Variants in ZNF16 observed in about 807,000 individuals in gnomAD.
ZNF16 encodes zinc finger protein KOX9.
In ZNF16, 7 loss-of-function variants were observed where a neutral mutation model predicts 9.0. That is an observed-to-expected ratio of 0.78 (90% CI 0.44 to 1.47). The LOEUF (loss-of-function observed/expected upper bound fraction) is 1.47. Ranked by LOEUF, ZNF16 falls within the 40% of genes most tolerant of loss-of-function variation. The probability of loss-of-function intolerance (pLI) is 0.01; values close to 1 mark genes in which losing one functional copy is unlikely to be tolerated. For missense variants in ZNF16, 830 were observed against 854.2 expected, an observed-to-expected ratio of 0.97 and a Z score of 0.35; for synonymous variants, 312 against 301.5, an observed-to-expected ratio of 1.03 and a Z score of -0.36.
At position 144,946,091 on chromosome 8, in the gene ZNF16, T is replaced by C. The variant is rs747877526; in HGVS notation, c.116A>G (p.His39Arg). 1.2e-6 allele frequency: 2 copies of C among 1,612,700 alleles called. No individual in the cohort carries two copies. The highest frequency in any genetic ancestry group is 1.7e-6 in the Non-Finnish European group (2 of 1,179,102). The change falls in exon 2 of 3, where the codon CAC becomes CGC. Residue 39 changes from histidine to arginine, a missense_variant. Coordinates refer to ENST00000394909, the MANE Select transcript of ZNF16 (RefSeq NM_006958.3). Reference sequence around the variant, plus strand: ...GGTACCACAGGCTGCAGATCCAGGGTGGGTCACAGCAGGAGCATCTCTCAC... The same window carrying C: ...GGTACCACAGGCTGCAGATCCAGGGCGGGTCACAGCAGGAGCATCTCTCAC... ...ARVRDAPAVT[H>R]PGSAACGTPC...
intron 1 of ZNF16, among the ~76,000 whole-genome samples, chr8:144,948,880 A>G (rs7827189): frequency 0.13 from 19,535 of 152,222 alleles, 3,832 homozygotes; most frequent in African/African-American, 0.42. Context: ...CATACCAAAA[A>G]GGACTTTGCA....
chr8:144,943,551 A>T (rs1833853356), intron 2 of ZNF16, among the ~76,000 whole-genome samples: 1 of 150,318 alleles, frequency 6.7e-6, no homozygotes, highest in Non-Finnish European at 1.5e-5. Context: ...ACAGAGTCTC[A>T]CTCCATTACC....
At chr8:144,940,817 AC>A (rs1300916290) in intron 2 of ZNF16, among the ~76,000 whole-genome samples, 5 of 152,230 alleles carry the variant, frequency 3.3e-5, no homozygotes, top group Non-Finnish European at 7.3e-5. Context: ...CAGTGGATTC[AC>A]TGCCTGATGA....
intron 2 of ZNF16, among the ~76,000 whole-genome samples, chr8:144,934,735 A>C (rs956471208): frequency 1.3e-5 from 2 of 152,146 alleles, no homozygotes; most frequent in East Asian, 1.9e-4. Context: ...AGGATGAAGA[A>C]GGCTCTGGCA....
At chr8:144,946,426 G>A (rs531904520) in intron 1 of ZNF16, among the ~76,000 whole-genome samples, 2 of 151,752 alleles carry the variant, frequency 1.3e-5, no homozygotes, top group African/African-American at 4.9e-5. Context: ...CAAAAGCCAG[G>A]GCCACAGTAC....
At chr8:144,947,215 T>C (rs1377168824) in intron 1 of ZNF16, among the ~76,000 whole-genome samples, 1 of 141,224 alleles carries the variant, frequency 7.1e-6, no homozygotes, top group South Asian at 2.2e-4. Context: ...GTTGGGCTTG[T>C]GTCCTGCTGT....
Position 144,932,615 on chromosome 8 carries a change from T to C in ZNF16, c.197-25A>G, listed in dbSNP as rs1833585167. 2 of 1,595,974 alleles carry C rather than the reference T, an allele frequency of 1.3e-6. No homozygotes were observed. Among genetic ancestry groups the C allele is most frequent in the South Asian group, 2.3e-5 (2 of 87,308 alleles). ...TCTGAAACAATAAATAGAATATCAC[T>C]TGGAAGGCAGTGCTGCAGCAGGAGC... On this transcript the variant is annotated intron_variant, in intron 2 of 2. Coordinates refer to ENST00000394909, the MANE Select transcript of ZNF16 (RefSeq NM_006958.3). This position sits in a 1 kb window ranked among gnomAD's most constrained non-coding sequence, Gnocchi z 5.0.
intron 1 of ZNF16, among the ~76,000 whole-genome samples, chr8:144,949,432 C>T (rs76271743): frequency 0.014 from 2,134 of 152,336 alleles, 47 homozygotes; most frequent in African/African-American, 0.045. Flanking sequence ...ACCACCCCAT[C>T]GCACTGCTGC....
rs1563925652 is a variant in ZNF16, at chr8:144,946,591, GTCTGTAT to G, written c.-9-383_-9-377del. Among the ~76,000 whole-genome samples the G allele has an allele frequency of 4.4e-4, 59 of 134,810 alleles. 1 individual carries two copies. Among genetic ancestry groups the G allele is most frequent in the African/African-American group, 1.3e-3 (47 of 35,378 alleles). 88.4% of individuals were successfully genotyped at this position (134,810 alleles called of 152,430 possible). The stretch of plus-strand genomic sequence containing the variant: ...GCTGTGGGCCTGTGTCCTGCTGTGG[GTCTGTAT>G]CCTGCTGTTGGGCTTGTGTCCTGCT... On this transcript the variant is annotated intron_variant, in intron 1 of 2. Transcript: ENST00000394909.
intron 2 of ZNF16, among the ~76,000 whole-genome samples, chr8:144,936,808 C>T (rs964357782): frequency 1.3e-5 from 2 of 151,828 alleles, no homozygotes; most frequent in African/African-American, 4.8e-5. Context: ...CTCAATGCAA[C>T]CTCCGCCTCC....
At chr8:144,935,203 GA>G (rs1833653594) in intron 2 of ZNF16, among the ~76,000 whole-genome samples, 1 of 127,462 alleles carries the variant, frequency 7.8e-6, no homozygotes, top group South Asian at 3.2e-4. Context: ...TTTCCTTTAA[GA>G]AAAATTTTTT....
intron 2 of ZNF16, chr8:144,945,282 G>T (rs934652604): frequency 6.6e-6 from 1 of 152,076 alleles, no homozygotes; most frequent in Non-Finnish European, 1.5e-5. Context: ...GGAATTACAG[G>T]TATGTGCCAC....
chr8:144,930,880 T>C lies in ZNF16; in HGVS notation c.1907A>G (p.Lys636Arg). 6.2e-7 allele frequency: 1 copy of C among 1,608,906 alleles called. No individual in the cohort carries two copies. The highest frequency in any genetic ancestry group is 8.5e-7 in the Non-Finnish European group (1 of 1,177,250). Residue 636 changes from lysine (K) to arginine (R), a missense_variant, in exon 3 of 3, where the codon AAA becomes AGA. Transcript: ENST00000394909. ...ERPYKCSECG[K>R]AFSQRSVLIQ... ...GAGGACCGAACGCTGACTGAAGGCT[T>C]TCCCACACTCACTGCATTTGTAGGG...
chr8:144,930,606 A>G lies in ZNF16; in HGVS notation c.*132T>C. On this transcript the variant is annotated 3_prime_UTR_variant, in exon 3 of 3. Transcript: ENST00000394909. The stretch of plus-strand genomic sequence containing the variant: ...ATGTTTCAAAGGAGGGTCCCAGGCT[A>G]TGTGGCCACTGGATGTAGGCAGTGA... 1.1e-6 allele frequency: 1 copy of G among 941,830 alleles called. No homozygotes were observed. The highest frequency in any genetic ancestry group is 1.6e-6 in the Non-Finnish European group (1 of 640,784). The allele number at this position is 941,830 out of a possible 1,614,324, so 58.3% of individuals were successfully genotyped here.
intron 1 of ZNF16, among the ~76,000 whole-genome samples, chr8:144,950,238 T>C (rs1374190363): frequency 5.3e-5 from 8 of 152,202 alleles, no homozygotes; most frequent in Admixed American, 2.0e-4. Context: ...GCTCTCCTAC[T>C]GCATTCCTCT....
intron 1 of ZNF16, among the ~76,000 whole-genome samples, chr8:144,950,087 C>G (rs1342259336): frequency 6.6e-6 from 1 of 152,146 alleles, no homozygotes; most frequent in African/African-American, 2.4e-5. Context: ...ATTCTTTACT[C>G]CACTGAGATG....
intron 2 of ZNF16, among the ~76,000 whole-genome samples, chr8:144,942,153 T>C (rs1833815911): frequency 6.6e-6 from 1 of 150,832 alleles, no homozygotes; most frequent in Admixed American, 6.6e-5. Context: ...AATTTTTTTG[T>C]ATTTTTAGTA....
rs1833529684 is a variant in ZNF16, at chr8:144,931,289, G to A, written c.1498C>T (p.His500Tyr). ...RCSVCGKAFS[H>Y]SSALIQHQGV... Reference sequence around the variant, plus strand: ...TGGTGCTGAATGAGGGCTGAGCTGTGGCTGAAGGCCTTCCCACAGACACTG... The same window carrying A: ...TGGTGCTGAATGAGGGCTGAGCTGTAGCTGAAGGCCTTCCCACAGACACTG... The change falls in exon 3 of 3, where the codon CAC becomes TAC. Residue 500 changes from histidine to tyrosine, a missense_variant. Coordinates refer to ENST00000394909, the MANE Select transcript of ZNF16 (RefSeq NM_006958.3). 1 of 1,614,200 alleles carries A rather than the reference G, an allele frequency of 6.2e-7. No homozygotes were observed. The highest frequency in any genetic ancestry group is 1.1e-5 in the South Asian group (1 of 91,084).
intron 2 of ZNF16, among the ~76,000 whole-genome samples, chr8:144,937,145 T>G (rs1357663951): frequency 2.5e-5 from 3 of 120,402 alleles, no homozygotes; most frequent in African/African-American, 1.3e-4. Context: ...TTCTCTCTCT[T>G]TTTTTTTTTT....
Sources: allele counts gnomAD v4.1 joint callset (sites outside exome capture counted in the v4.1 genomes callset), GRCh38; gene constraint gnomAD v4.1.1; non-coding constraint Gnocchi (gnomAD v3.1); transcripts MANE v1.5; gene names NCBI Gene and HGNC (gene_info 2026-07-23, HGNC 2026-07-21).